Variants in COL23A1 observed in about 807,000 individuals in gnomAD.
The protein encoded by COL23A1 is collagen type XXIII alpha 1 chain, also known as collagen alpha-1(XXIII) chain.
In COL23A1, 97 loss-of-function variants were observed where a neutral mutation model predicts 99.3. The ratio of observed to expected loss-of-function variants is 0.98; its 90% confidence interval spans 0.83 to 1.16. The LOEUF (loss-of-function observed/expected upper bound fraction) is 1.16, where lower values mean the gene tolerates loss of function less well. COL23A1 is among the 50% of genes most tolerant of loss of function. COL23A1 has a pLI of 0.00. For synonymous variants in COL23A1, 320 were observed against 308.2 expected (o/e 1.04, Z -0.40); for missense variants, 762 against 757.4 (o/e 1.01, Z -0.07).
intron 1 of COL23A1, among the ~76,000 whole-genome samples, chr5:178,572,021 T>C (rs879382219): frequency 2.1e-5 from 3 of 140,114 alleles, no homozygotes; most frequent in Non-Finnish European, 3.0e-5. Context: ...TGAGCCGAGA[T>C]TGCGCCACTG....
intron 2 of COL23A1, among the ~76,000 whole-genome samples, chr5:178,469,159 G>A (rs1051141947): frequency 5.3e-5 from 8 of 152,208 alleles, no homozygotes; most frequent in African/African-American, 1.7e-4. Context: ...TGATAAACAC[G>A]TGGGTTGCTC....
rs1195716191 is a variant in COL23A1 at position 178,352,097 on chromosome 5, C to T, written c.362-45178G>A. ...AGCCCTAGCAGACTAAGGCACAGGCCCTAAGCTAGATACTTTCATCCTGGC... is the reference window on the plus strand; with the variant it reads ...AGCCCTAGCAGACTAAGGCACAGGCTCTAAGCTAGATACTTTCATCCTGGC... On this transcript the variant is annotated intron_variant, in intron 2 of 28. Coordinates refer to ENST00000390654, the MANE Select transcript of COL23A1 (RefSeq NM_173465.4). 3 of 152,178 alleles carry T rather than the reference C, an allele frequency of 2.0e-5. No individual in the cohort carries two copies. The East Asian group carries it at 5.8e-4, about 29-fold the overall frequency. The allele number at this position is 152,178 out of a possible 1,614,324, so 9.4% of individuals were successfully genotyped here. A position where few individuals can be genotyped will look rare whatever the true frequency, so the allele number is the denominator to read the frequency against.
At chr5:178,259,886 C>A (rs1765533644) in intron 11 of COL23A1, 139 bp from the exon 12 acceptor site, 1 of 666,812 alleles carries the variant, frequency 1.5e-6, no homozygotes, top group Non-Finnish European at 2.5e-6. Context: ...CTGAATGCTT[C>A]AGAGAGCTGC....
At chr5:178,471,838 G>A (rs892712055) in intron 2 of COL23A1, among the ~76,000 whole-genome samples, 1 of 152,018 alleles carries the variant, frequency 6.6e-6, no homozygotes, top group Non-Finnish European at 1.5e-5. Context: ...AGCTTGCCTC[G>A]CCCCTCCCTT....
At position 178,256,914 on chromosome 5, in the gene COL23A1, G is replaced by T. The variant is rs1765331632; in HGVS notation, c.789C>A (p.Ser263Arg). 1 of 1,613,586 alleles carries T rather than the reference G, an allele frequency of 6.2e-7. No individual in the cohort carries two copies. Among genetic ancestry groups the T allele is most frequent in the South Asian group, 1.1e-5 (1 of 90,996 alleles). Residue 263 changes from serine (S) to arginine (R), a missense_variant, in exon 14 of 29, where the codon AGC becomes AGA. By Grantham distance (110) the Ser-to-Arg change is moderately radical. Coordinates refer to ENST00000390654, the MANE Select transcript of COL23A1 (RefSeq NM_173465.4). ...CACCGTTCTCTCCCCGAGGCCCCAT[G>T]CTCCCTGGCTCGCCCTGAAACAGAC... The part of the protein sequence containing the change: ...GPPGPKGEPG[S>R]MGPRGENGVD...
intron 5 of COL23A1, among the ~76,000 whole-genome samples, chr5:178,278,725 C>T (rs1756728519): frequency 6.6e-6 from 1 of 152,192 alleles, no homozygotes; most frequent in African/African-American, 2.4e-5. Flanking sequence ...GAGCAGGGTA[C>T]ATCCTGATGA....
chr5:178,439,437 C>T lies in COL23A1; in HGVS notation c.361+121245G>A, dbSNP rs769259943. 4 of 152,376 alleles carry T rather than the reference C, an allele frequency of 2.6e-5. No individual in the cohort carries two copies. The highest frequency in any genetic ancestry group is 7.2e-5 in the African/African-American group (3 of 41,554). 9.4% of individuals were successfully genotyped at this position (152,376 alleles called of 1,614,324 possible). ...TCCTTGTCTCTGGTCCACCCAGAGC[C>T]GGAGCTTTAGCCTAGGACCCAGACT... On this transcript the variant is annotated intron_variant, in intron 2 of 28. Coordinates refer to ENST00000390654, the MANE Select transcript of COL23A1 (RefSeq NM_173465.4). This position sits in a 1 kb window ranked among gnomAD's most constrained non-coding sequence, Gnocchi z 4.2.
In COL23A1 at chr5:178,249,127, G is replaced by A; in HGVS notation, c.1139C>T (p.Ser380Phe). Residue 380 changes from serine to phenylalanine, a missense_variant, in exon 19 of 29, where the codon TCC (serine) becomes TTC (phenylalanine). Physicochemically the swap from Ser to Phe is radical, Grantham distance 155 (BLOSUM62 -2). Transcript: ENST00000390654. ...AACCCAGCCACATACCGGGAGGCCG[G>A]ACAAGCCCATCTCGCCTGCTTCCCC... The part of the protein sequence containing the change: ...LKGEAGEMGL[S>F]GLPGADGLKG... The A allele has an allele frequency of 6.2e-7, 1 of 1,614,170 alleles. No homozygotes were observed. Among genetic ancestry groups the A allele is most frequent in the Non-Finnish European group, 8.5e-7 (1 of 1,180,022 alleles).
chr5:178,325,552 T>C (rs572120186), intron 2 of COL23A1, among the ~76,000 whole-genome samples: 3 of 152,218 alleles, frequency 2.0e-5, no homozygotes, highest in East Asian at 1.9e-4. Flanking sequence ...CATGGACTTA[T>C]GTCTTAGCCT....
intron 2 of COL23A1, among the ~76,000 whole-genome samples, chr5:178,500,756 G>A (rs1178375039): frequency 6.6e-6 from 1 of 150,962 alleles, no homozygotes; most frequent in Non-Finnish European, 1.5e-5. Context: ...ATTTTTAGAA[G>A]AAATTATGAG....
chr5:178,268,524 T>C (rs941038042), intron 7 of COL23A1, among the ~76,000 whole-genome samples: 5 of 152,116 alleles, frequency 3.3e-5, no homozygotes, highest in Non-Finnish European at 7.4e-5. Context: ...AAGACTCAAC[T>C]CTCTGGGCAG....
intron 2 of COL23A1, among the ~76,000 whole-genome samples, chr5:178,484,551 T>C (rs558630654): frequency 7.9e-5 from 12 of 151,762 alleles, no homozygotes; most frequent in Non-Finnish European, 1.0e-4. Context: ...GGGCCGGGCG[T>C]GGTGGCTCAC....
chr5:178,501,701 G>A (rs922058724), intron 2 of COL23A1, among the ~76,000 whole-genome samples: 1 of 152,230 alleles, frequency 6.6e-6, no homozygotes, highest in Non-Finnish European at 1.5e-5. Context: ...CTGTGCTGAG[G>A]TACGCCAACA....
chr5:178,435,276 C>T (rs1766495185), intron 2 of COL23A1, among the ~76,000 whole-genome samples: 1 of 152,166 alleles, frequency 6.6e-6, no homozygotes, highest in Admixed American at 6.5e-5. Context: ...GAGTGTGGCT[C>T]ATTCCCAGCT....
At chr5:178,264,961 C>T (rs1755798793) in intron 8 of COL23A1, among the ~76,000 whole-genome samples, 1 of 152,150 alleles carries the variant, frequency 6.6e-6, no homozygotes, top group Non-Finnish European at 1.5e-5. Flanking sequence ...TGATCTTATT[C>T]AACCTTTGTG....
chr5:178,590,294 T>C lies in COL23A1; in HGVS notation c.-97A>G. On this transcript the variant is annotated 5_prime_UTR_variant, in exon 1 of 29. Transcript: ENST00000390654. The surrounding 1 kb of genome is among the most constrained non-coding windows in gnomAD (Gnocchi z 5.7). ...AGGCGGGACAGCCCGAGGCACGAGG[T>C]CCGCCGGGCGCGGGGGTTAGCCTCC... The C allele has an allele frequency of 9.2e-7, 1 of 1,084,254 alleles. No homozygotes were observed. Among genetic ancestry groups the C allele is most frequent in the East Asian group, 4.3e-5 (1 of 23,124 alleles). 67.2% of individuals were successfully genotyped at this position (1,084,254 alleles called of 1,614,324 possible).
intron 2 of COL23A1, among the ~76,000 whole-genome samples, chr5:178,534,252 G>A (rs769370704): frequency 5.3e-5 from 8 of 152,120 alleles, no homozygotes; most frequent in Non-Finnish European, 8.8e-5. Flanking sequence ...ACCTTCACAC[G>A]GTGGAAGGAA....
chr5:178,369,748 C>CA (rs1762701362), intron 2 of COL23A1, among the ~76,000 whole-genome samples: 1 of 151,998 alleles, frequency 6.6e-6, no homozygotes, highest in Non-Finnish European at 1.5e-5. Flanking sequence ...TTGTAAGGCC[C>CA]CCCCAGCCAG....
At chr5:178,357,179 G>A (rs1264753952) in intron 2 of COL23A1, among the ~76,000 whole-genome samples, 2 of 152,224 alleles carry the variant, frequency 1.3e-5, no homozygotes, top group African/African-American at 4.8e-5. Context: ...GTGACCTGGG[G>A]CTTCCCAGCA....
Sources: allele counts gnomAD v4.1 joint callset (sites outside exome capture counted in the v4.1 genomes callset), GRCh38; gene constraint gnomAD v4.1.1; non-coding constraint Gnocchi (gnomAD v3.1); transcripts MANE v1.5; gene names NCBI Gene and HGNC (gene_info 2026-07-23, HGNC 2026-07-21).